Variants in PCLO observed in about 807,000 individuals in gnomAD.
PCLO encodes protein piccolo.
A neutral mutation model predicts 427.5 loss-of-function variants in PCLO; 82 were observed. That is an observed-to-expected ratio of 0.19 (90% CI 0.16 to 0.23). PCLO has a LOEUF of 0.23. Ranked by LOEUF, PCLO falls within the 10% of genes least tolerant of loss-of-function variation. The pLI is 1.00. For synonymous variants in PCLO, 2,357 were observed against 2,155.4 expected (o/e 1.09, Z -2.59); for missense variants, 6,239 against 6,115.9 (o/e 1.02, Z -0.67).
chr7:82,992,719 C>T (rs1352397565), intron 3 of PCLO, among the ~76,000 whole-genome samples: 1 of 151,916 alleles, frequency 6.6e-6, no homozygotes, highest in Admixed American at 6.6e-5. Flanking sequence ...TGTAACAAAC[C>T]TGCACATCCT....
chr7:82,896,335 G>A (rs1405434529), intron 9 of PCLO, among the ~76,000 whole-genome samples: 1 of 151,750 alleles, frequency 6.6e-6, no homozygotes, highest in African/African-American at 2.4e-5. Flanking sequence ...ACTGGCACAT[G>A]CTACAACTAA....
chr7:83,130,734 G>A (rs888522318), intron 3 of PCLO, among the ~76,000 whole-genome samples: 4 of 152,118 alleles, frequency 2.6e-5, no homozygotes, highest in African/African-American at 9.7e-5. Flanking sequence ...GGAAAATGTG[G>A]AAGCCACCCA....
At chr7:83,083,916 T>A (rs566284979) in intron 3 of PCLO, among the ~76,000 whole-genome samples, 2 of 152,158 alleles carry the variant, frequency 1.3e-5, no homozygotes, top group South Asian at 4.1e-4. Flanking sequence ...ACAGAGTGAA[T>A]ATAATTTTTA....
rs1174548390 is a variant in PCLO at position 82,950,043 on chromosome 7, G to C, written c.10545C>G (p.Ser3515Arg). 1.9e-6 allele frequency: 3 copies of C among 1,612,692 alleles called. No homozygotes were observed. The highest frequency in any genetic ancestry group is 1.1e-5 in the South Asian group (1 of 91,010). Residue 3515 changes from serine (S) to arginine (R), a missense_variant, in exon 6 of 25, where the codon AGC (serine) becomes AGG (arginine). Physicochemically the swap from Ser to Arg is moderately radical, Grantham distance 110. This residue lies in a region of PCLO where 4,677 missense variants were observed against 4,468.4 expected (regional missense o/e 1.05). Coordinates refer to ENST00000333891, the MANE Select transcript of PCLO (RefSeq NM_033026.6). ...DKTKPLSKVSSIAVQTVAEIS... is the reference protein window; with the variant it reads ...DKTKPLSKVSRIAVQTVAEIS... ...TCTCTGCTACCGTTTGAACTGCTAT[G>C]CTGGAGACTTTGGAAAGGGGTTTGG...
intron 3 of PCLO, among the ~76,000 whole-genome samples, chr7:83,088,642 T>C (rs915425094): frequency 6.6e-5 from 10 of 152,174 alleles, no homozygotes; most frequent in Non-Finnish European, 1.5e-4. Flanking sequence ...TTCTTCCACA[T>C]TGAATGCGGA....
intron 3 of PCLO, among the ~76,000 whole-genome samples, chr7:83,067,839 C>T (rs1789705909): frequency 7.0e-6 from 1 of 142,520 alleles, no homozygotes; most frequent in African/African-American, 2.6e-5. Flanking sequence ...CAACAAATCC[C>T]TCCTGTGTAA....
Position 82,827,958 on chromosome 7 carries a change from T to C in PCLO, c.14258A>G (p.Tyr4753Cys). 1 of 1,581,054 alleles carries C rather than the reference T, an allele frequency of 6.3e-7. No homozygotes were observed. Among genetic ancestry groups the C allele is most frequent in the Non-Finnish European group, 8.7e-7 (1 of 1,151,712 alleles). ...VMVVQNASAE[Y>C]KRRTKHVQKS... Reference sequence around the variant, plus strand: ...CTGGACATGTTTAGTCCTTCTCTTGTACTCAGCACTGAATTGGGAGAAAAG... The same window carrying C: ...CTGGACATGTTTAGTCCTTCTCTTGCACTCAGCACTGAATTGGGAGAAAAG... The change falls in exon 17 of 25, where the codon TAC (tyrosine) becomes TGC (cysteine). Residue 4753 changes from tyrosine (Y) to cysteine (C), a missense_variant. By Grantham distance (194) the Tyr-to-Cys change is radical. Transcript: ENST00000333891.
chr7:82,800,193 A>G (rs1294514485), intron 22 of PCLO, among the ~76,000 whole-genome samples: 3 of 152,220 alleles, frequency 2.0e-5, no homozygotes, highest in Non-Finnish European at 2.9e-5. Flanking sequence ...AACAAGAAAA[A>G]TGTGGCATTC....
chr7:83,149,628 A>C (rs999598183), intron 2 of PCLO, among the ~76,000 whole-genome samples: 2 of 152,180 alleles, frequency 1.3e-5, no homozygotes, highest in Non-Finnish European at 2.9e-5. Context: ...TTACTTCACC[A>C]TCAGGAATGT....
At chr7:82,766,495 C>G (rs1790535028) in intron 22 of PCLO, among the ~76,000 whole-genome samples, 4 of 152,024 alleles carry the variant, frequency 2.6e-5, no homozygotes, top group Admixed American at 2.6e-4. Flanking sequence ...TCCTCAATCT[C>G]TCAAACCATA....
intron 3 of PCLO, among the ~76,000 whole-genome samples, chr7:83,107,698 A>G: frequency 7.1e-6 from 1 of 141,826 alleles, no homozygotes. Context: ...TATAGAGAGA[A>G]TATAAGAAGA....
chr7:82,865,182 CTG>C (rs2115941454), intron 10 of PCLO, among the ~76,000 whole-genome samples: 1 of 152,084 alleles, frequency 6.6e-6, no homozygotes, highest in South Asian at 2.1e-4. Context: ...AAAAATTGAA[CTG>C]CCACCTGTAG....
chr7:82,957,308 A>G (rs1341808148), intron 4 of PCLO, among the ~76,000 whole-genome samples: 1 of 152,188 alleles, frequency 6.6e-6, no homozygotes, highest in Non-Finnish European at 1.5e-5. Flanking sequence ...TTCTATTAAC[A>G]TAAGTTATAC....
At chr7:83,097,833 T>C (rs1399302530) in intron 3 of PCLO, among the ~76,000 whole-genome samples, 2 of 151,860 alleles carry the variant, frequency 1.3e-5, no homozygotes, top group African/African-American at 4.8e-5. Context: ...ACTTTTTAGC[T>C]GAATAAGAAA....
chr7:82,824,346 G>C lies in PCLO; in HGVS notation c.14486C>G (p.Thr4829Ser). 6.2e-7 allele frequency: 1 copy of C among 1,613,058 alleles called. No homozygotes were observed. Among genetic ancestry groups the C allele is most frequent in the Non-Finnish European group, 8.5e-7 (1 of 1,179,346 alleles). The change falls in exon 19 of 25, where the codon ACT becomes AGT. Residue 4829 changes from threonine to serine, a missense_variant. Thr to Ser is a moderately conservative substitution (Grantham distance 58, BLOSUM62 1). This residue lies in a region of PCLO where 877 missense variants were observed against 925.5 expected (regional missense o/e 0.95). Transcript: ENST00000333891. The stretch of plus-strand genomic sequence containing the variant: ...AGACTTGCCATGATCAATGCTTTCA[G>C]TCTGTTCTTTGAGAGGATACCACCT... ...TPRWYPLKEQTESIDHGKSHS... is the reference protein window; with the variant it reads ...TPRWYPLKEQSESIDHGKSHS...
intron 2 of PCLO, among the ~76,000 whole-genome samples, chr7:83,147,217 T>C (rs1792018156): frequency 6.6e-6 from 1 of 152,072 alleles, no homozygotes; most frequent in South Asian, 2.1e-4. Context: ...CTGGATCACA[T>C]CAAAGATGAG....
intron 3 of PCLO, among the ~76,000 whole-genome samples, chr7:83,083,292 G>A (rs1367563249): frequency 6.6e-6 from 1 of 152,008 alleles, no homozygotes; most frequent in African/African-American, 2.4e-5. Flanking sequence ...TAAATGTTTT[G>A]TTAATATGGA....
intron 3 of PCLO, among the ~76,000 whole-genome samples, chr7:83,100,145 A>G (rs1584024928): frequency 6.6e-6 from 1 of 152,212 alleles, no homozygotes; most frequent in Admixed American, 6.5e-5. Flanking sequence ...TAATTGGCAA[A>G]AAAAATTGTT....
chr7:83,095,543 C>G (rs1207765102), intron 3 of PCLO, among the ~76,000 whole-genome samples: 1 of 151,588 alleles, frequency 6.6e-6, no homozygotes, highest in Non-Finnish European at 1.5e-5. Context: ...GACGTTTTCT[C>G]TTTTATAATG....
Sources: gnomAD v4.1 joint callset for allele counts (sites outside exome capture counted in the v4.1 genomes callset) on GRCh38, gnomAD v4.1.1 for gene constraint, gnomAD v4.1.1 regional missense constraint, MANE v1.5 for transcripts, NCBI Gene and HGNC (gene_info 2026-07-23, HGNC 2026-07-21) for gene names.